TPRG1: variants seen among roughly 807,000 people sequenced by gnomAD.
TPRG1 encodes the protein tumor protein p63-regulated gene 1 protein.
A neutral mutation model predicts 29.3 loss-of-function variants in TPRG1; 29 were observed. That is an observed-to-expected ratio of 0.99 (90% CI 0.74 to 1.35). TPRG1 has a LOEUF of 1.35. Among genes scored for constraint, TPRG1 ranks in the 40% most tolerant of loss-of-function variants. The pLI is 0.00. For missense variants in TPRG1, 327 were observed against 335.0 expected, an observed-to-expected ratio of 0.98 and a Z score of 0.19; for synonymous variants, 130 against 116.8, an observed-to-expected ratio of 1.11 and a Z score of -0.73.
intron 3 of TPRG1, among the ~76,000 whole-genome samples, chr3:189,227,336 C>G (rs1315379114): frequency 6.6e-6 from 1 of 152,144 alleles, no homozygotes; most frequent in Non-Finnish European, 1.5e-5. Flanking sequence ...GAATCTCCCC[C>G]ACCTTTCCTA....
intron 4 of TPRG1, among the ~76,000 whole-genome samples, chr3:189,042,260 A>T (rs1714684097): frequency 6.6e-6 from 1 of 152,158 alleles, no homozygotes; most frequent in African/African-American, 2.4e-5. Flanking sequence ...AACTATCAAG[A>T]ATATATTTCT....
intron 4 of TPRG1, among the ~76,000 whole-genome samples, chr3:189,090,728 T>C (rs1338025318): frequency 6.6e-6 from 1 of 152,076 alleles, no homozygotes; most frequent in African/African-American, 2.4e-5. Context: ...ATGTATCTCT[T>C]TAATGTTTTC....
At chr3:189,077,125 T>A (rs907770420) in intron 4 of TPRG1, among the ~76,000 whole-genome samples, 1 of 152,148 alleles carries the variant, frequency 6.6e-6, no homozygotes, top group Non-Finnish European at 1.5e-5. Context: ...TGTTCCGCAG[T>A]TTTTTAAAGT....
intron 1 of TPRG1, among the ~76,000 whole-genome samples, chr3:189,180,475 A>C (rs1730062414): frequency 6.6e-6 from 1 of 152,116 alleles, no homozygotes; most frequent in Non-Finnish European, 1.5e-5. Context: ...AGCCATTCCA[A>C]ATGGGAGAAA....
intron 3 of TPRG1, among the ~76,000 whole-genome samples, chr3:189,231,288 A>G (rs142645424): frequency 0.033 from 4,909 of 150,734 alleles, 104 homozygotes; most frequent in South Asian, 0.05. Context: ...ATATATATGC[A>G]CACACACATA....
intron 4 of TPRG1, among the ~76,000 whole-genome samples, chr3:189,289,238 C>T (rs1473483943): frequency 6.6e-6 from 1 of 152,072 alleles, no homozygotes; most frequent in Admixed American, 6.6e-5. Context: ...TGAGGATGGC[C>T]TCATTATCTT....
chr3:189,263,536 A>G (rs548511041), intron 4 of TPRG1, among the ~76,000 whole-genome samples: 44 of 152,296 alleles, frequency 2.9e-4, no homozygotes, highest in Admixed American at 9.2e-4. Context: ...GCTGGCATTC[A>G]CTACAGTGTA....
Position 189,207,563 on chromosome 3 carries a change from C to T in TPRG1, c.179C>T (p.Pro60Leu). Residue 60 changes from proline (P) to leucine (L), a missense_variant, in exon 2 of 6, where the codon CCT (proline) becomes CTT (leucine). Coordinates refer to ENST00000345063, the MANE Select transcript of TPRG1 (RefSeq NM_198485.4). ...CTTTACCCCAATCCTTATCATCAGCCTTATATCTCACGGAAGTACTTTGCT... is the reference window on the plus strand; with the variant it reads ...CTTTACCCCAATCCTTATCATCAGCTTTATATCTCACGGAAGTACTTTGCT... ...STLYPNPYHQ[P>L]YISRKYFATR... is the part of the protein sequence containing the mutation. 6.2e-7 allele frequency: 1 copy of T among 1,613,984 alleles called. No homozygotes were observed. Among genetic ancestry groups the T allele is most frequent in the Non-Finnish European group, 8.5e-7 (1 of 1,179,906 alleles).
intron 5 of TPRG1, among the ~76,000 whole-genome samples, chr3:189,159,260 A>T (rs975932524): frequency 6.6e-6 from 1 of 152,212 alleles, no homozygotes; most frequent in African/African-American, 2.4e-5. Context: ...TTTAAAATGA[A>T]GAGAAATGCA....
intron 4 of TPRG1, among the ~76,000 whole-genome samples, chr3:189,265,955 TC>T (rs1367975960): frequency 6.6e-6 from 1 of 152,174 alleles, no homozygotes; most frequent in East Asian, 1.9e-4. Context: ...CCAAACCTAG[TC>T]CTAACTAGTA....
At chr3:189,272,190 ATATGTAATGCAAGCATC>A (rs569057786) in intron 4 of TPRG1, among the ~76,000 whole-genome samples, 6 of 152,338 alleles carry the variant, frequency 3.9e-5, no homozygotes, top group Admixed American at 1.3e-4. Flanking sequence ...TGCTTTTCCC[ATATGTAATGCAAGCATC>A]TATTATTATA....
chr3:189,263,629 G>A (rs535967119), intron 4 of TPRG1, among the ~76,000 whole-genome samples: 1 of 152,292 alleles, frequency 6.6e-6, no homozygotes, highest in East Asian at 1.9e-4. Context: ...AAATGGGTTT[G>A]ATTCAGTGTA....
intron 4 of TPRG1, among the ~76,000 whole-genome samples, chr3:189,149,293 G>A (rs1725643885): frequency 6.6e-6 from 1 of 152,148 alleles, no homozygotes; most frequent in Non-Finnish European, 1.5e-5. Context: ...TTCATGTTAA[G>A]TATCTACAGC....
intron 2 of TPRG1, chr3:189,000,998 T>C (rs1711993012): frequency 6.6e-6 from 1 of 152,146 alleles, no homozygotes; most frequent in African/African-American, 2.4e-5. Context: ...TCTCCCAAAG[T>C]GTTGGGATTA....
chr3:189,175,353 A>G (rs1342142973), intron 1 of TPRG1, among the ~76,000 whole-genome samples: 1 of 152,190 alleles, frequency 6.6e-6, no homozygotes, highest in African/African-American at 2.4e-5. Context: ...TTTGAAGTAT[A>G]TTTGAAGGGT....
Position 189,021,611 on chromosome 3 carries a change from T to A in TPRG1, c.-659-2139T>A, listed in dbSNP as rs1483786070. Among the ~76,000 whole-genome samples, 4 of 152,222 alleles carry A rather than the reference T, an allele frequency of 2.6e-5. No individual in the cohort carries two copies. In the East Asian group the frequency reaches 7.7e-4, roughly 29 times the overall value. On this transcript the variant is annotated intron_variant, in intron 3 of 10. Coordinates refer to the TPRG1 transcript ENST00000433971. ...TCTGCCGAGAGATCTGCTGTTAGTC[T>A]GATGGGCTTCCCTTTGAGGGTAACC... is the stretch of plus-strand genomic sequence containing the variant.
intron 3 of TPRG1, among the ~76,000 whole-genome samples, chr3:189,220,888 G>A (rs1243472868): frequency 2.0e-5 from 3 of 152,102 alleles, no homozygotes; most frequent in Non-Finnish European, 4.4e-5. Flanking sequence ...ATTGTGAAAA[G>A]TGCAAATGTA....
chr3:189,209,318 G>A (rs1278992204), intron 2 of TPRG1, among the ~76,000 whole-genome samples: 4 of 152,174 alleles, frequency 2.6e-5, no homozygotes, highest in Non-Finnish European at 2.9e-5. Flanking sequence ...CAGGGAAAAC[G>A]ACTTATGTTT....
upstream of TPRG1, among the ~76,000 whole-genome samples, chr3:189,170,632 A>C (rs750264212): frequency 6.6e-6 from 1 of 152,168 alleles, no homozygotes; most frequent in South Asian, 2.1e-4. Context: ...ATCCTTGTCT[A>C]TGTGGATAAC....
Sources: allele counts gnomAD v4.1 joint callset (sites outside exome capture counted in the v4.1 genomes callset), GRCh38; gene constraint gnomAD v4.1.1; transcripts MANE v1.5; gene names NCBI Gene and HGNC (gene_info 2026-07-23, HGNC 2026-07-21).